The following RBFOX1 variants were observed in gnomAD, a reference collection of about 807,000 sequenced individuals.
The protein encoded by RBFOX1 is RNA binding protein fox-1 homolog 1.
RBFOX1 carries 8 observed loss-of-function variants against 57.7 expected under a neutral mutation model. That is an observed-to-expected ratio of 0.14 (90% CI 0.08 to 0.25). The LOEUF is 0.25. RBFOX1 is among the 10% of genes least tolerant of loss of function. The pLI is 1.00. For missense variants in RBFOX1, 611 were observed against 548.5 expected, an observed-to-expected ratio of 1.11 and a Z score of -1.14; for synonymous variants, 326 against 222.4, an observed-to-expected ratio of 1.47 and a Z score of -4.15.
intron 1 of RBFOX1, chr16:5,261,018 G>A (rs764271162): frequency 1.3e-5 from 2 of 152,174 alleles, no homozygotes; most frequent in Non-Finnish European, 2.9e-5. Flanking sequence ...TGAACTTCCG[G>A]GTCCAGATAG....
chr16:7,178,211 C>T (rs1567585588), intron 4 of RBFOX1, among the ~76,000 whole-genome samples: 1 of 152,246 alleles, frequency 6.6e-6, no homozygotes, highest in Non-Finnish European at 1.5e-5. Flanking sequence ...GGGAAACTTT[C>T]CTCCACACAG....
intron 4 of RBFOX1, among the ~76,000 whole-genome samples, chr16:7,253,145 G>A (rs186189594): frequency 2.0e-5 from 3 of 152,228 alleles, no homozygotes; most frequent in East Asian, 1.9e-4. Flanking sequence ...TGATGGCTCC[G>A]CTGGATAAAA....
At chr16:6,221,527 A>G (rs1033042096) in intron 1 of RBFOX1, among the ~76,000 whole-genome samples, 4 of 152,174 alleles carry the variant, frequency 2.6e-5, no homozygotes, top group African/African-American at 7.2e-5. Flanking sequence ...CAGTATTCCA[A>G]TGTGTCATCC....
intron 2 of RBFOX1, among the ~76,000 whole-genome samples, chr16:6,558,204 G>T (rs1003742551): frequency 6.6e-6 from 1 of 152,116 alleles, no homozygotes; most frequent in Non-Finnish European, 1.5e-5. Flanking sequence ...CAGGTGTGTT[G>T]GGTTAGTGAT....
chr16:6,024,422 A>C (rs1720196130), intron 1 of RBFOX1, among the ~76,000 whole-genome samples: 2 of 152,152 alleles, frequency 1.3e-5, no homozygotes, highest in Non-Finnish European at 2.9e-5. Context: ...TTGACCTGAG[A>C]AGTACATGAA....
chr16:6,868,553 C>T (rs1203544393), intron 3 of RBFOX1, among the ~76,000 whole-genome samples: 1 of 152,174 alleles, frequency 6.6e-6, no homozygotes, highest in African/African-American at 2.4e-5. Flanking sequence ...CTCACTGCAA[C>T]CTCTGCTTCC....
intron 1 of RBFOX1, among the ~76,000 whole-genome samples, chr16:6,314,727 T>C (rs2080855985): frequency 6.6e-6 from 1 of 152,134 alleles, no homozygotes; most frequent in Admixed American, 6.5e-5. Context: ...AATGAGAGGA[T>C]GCATGCAAAT....
intron 3 of RBFOX1, among the ~76,000 whole-genome samples, chr16:6,693,472 A>C (rs2060543992): frequency 1.3e-5 from 2 of 150,004 alleles, no homozygotes; most frequent in Non-Finnish European, 3.0e-5. Flanking sequence ...CATCACCATC[A>C]TCCTCCTCCA....
intron 3 of RBFOX1, among the ~76,000 whole-genome samples, chr16:7,038,724 C>T (rs538372964): frequency 1.1e-4 from 16 of 152,200 alleles, no homozygotes; most frequent in African/African-American, 3.1e-4. Flanking sequence ...ATATTGGCCA[C>T]GTGCTGCCTG....
intron 4 of RBFOX1, among the ~76,000 whole-genome samples, chr16:5,967,029 A>G (rs978135136): frequency 8.0e-6 from 1 of 124,410 alleles, no homozygotes; most frequent in Admixed American, 9.6e-5. Flanking sequence ...CTCAGGTGCC[A>G]CCTGTTTTTG....
chr16:7,093,789 G>C (rs1338822985), intron 4 of RBFOX1, among the ~76,000 whole-genome samples: 1 of 152,016 alleles, frequency 6.6e-6, no homozygotes, highest in African/African-American at 2.4e-5. Flanking sequence ...GTGTTTTCCT[G>C]AAATTCTGTT....
At chr16:5,488,539 G>C (rs2042718881) in intron 2 of RBFOX1, among the ~76,000 whole-genome samples, 1 of 77,108 alleles carries the variant, frequency 1.3e-5, no homozygotes, top group South Asian at 7.0e-4. Flanking sequence ...TGGTGTGGCG[G>C]GGTGTGATGG....
intron 1 of RBFOX1, among the ~76,000 whole-genome samples, chr16:5,328,840 A>C (rs1596535547): frequency 6.6e-6 from 1 of 152,332 alleles, no homozygotes; most frequent in African/African-American, 2.4e-5. Flanking sequence ...GAGAAGGGAG[A>C]ACTCATGGCC....
intron 2 of RBFOX1, among the ~76,000 whole-genome samples, chr16:5,522,117 T>C (rs1219179329): frequency 6.6e-6 from 1 of 152,240 alleles, no homozygotes; most frequent in African/African-American, 2.4e-5. Context: ...AGTAAGCTCA[T>C]GCTCCTTCAT....
intron 2 of RBFOX1, among the ~76,000 whole-genome samples, chr16:5,530,506 T>C (rs2044424069): frequency 6.6e-6 from 1 of 152,194 alleles, no homozygotes; most frequent in African/African-American, 2.4e-5. Context: ...CAAGCTAAAC[T>C]GTAAACATTG....
intron 4 of RBFOX1, among the ~76,000 whole-genome samples, chr16:7,098,674 G>C (rs952098993): frequency 6.6e-6 from 1 of 152,154 alleles, no homozygotes; most frequent in Non-Finnish European, 1.5e-5. Context: ...GATCTTGGCT[G>C]GGTGGTGGCT....
chr16:5,256,826 C>T (rs992352723), intron 1 of RBFOX1, among the ~76,000 whole-genome samples: 9 of 151,382 alleles, frequency 5.9e-5, no homozygotes, highest in African/African-American at 1.5e-4. Context: ...CCCAACTACT[C>T]GGGAGGCTGA....
intron 1 of RBFOX1, among the ~76,000 whole-genome samples, chr16:6,064,456 T>C (rs2152467417): frequency 6.6e-6 from 1 of 152,314 alleles, no homozygotes; most frequent in Admixed American, 6.5e-5. Context: ...CTTGATTAAG[T>C]AGTACTCCAA....
At chr16:6,461,291 G>C (rs1389409182) in intron 2 of RBFOX1, among the ~76,000 whole-genome samples, 1 of 152,002 alleles carries the variant, frequency 6.6e-6, no homozygotes, top group Non-Finnish European at 1.5e-5. Context: ...AAAGAACACT[G>C]GTCATAGTGG....
Sources: gnomAD v4.1 joint callset for allele counts (sites outside exome capture counted in the v4.1 genomes callset) on GRCh38, gnomAD v4.1.1 for gene constraint, MANE v1.5 for transcripts, NCBI Gene and HGNC (gene_info 2026-07-23, HGNC 2026-07-21) for gene names.